The following CIMIP6 variants were observed in gnomAD, a reference collection of about 807,000 sequenced individuals.
CIMIP6 encodes the protein uncharacterized protein C2orf73.
At chr2:54,367,976 A>C in the CIMIP6 span, among the ~76,000 whole-genome samples, 1 of 152,192 alleles carries the variant, frequency 6.6e-6, no homozygotes, top group African/African-American at 2.4e-5. Context: ...CTCATTATCT[A>C]GTCAACCTTA....
the CIMIP6 span, among the ~76,000 whole-genome samples, chr2:54,368,828 C>T: frequency 1.3e-5 from 2 of 152,224 alleles, no homozygotes; most frequent in African/African-American, 4.8e-5. Flanking sequence ...TCAGCACTGT[C>T]CACAATTCTG....
the CIMIP6 span, among the ~76,000 whole-genome samples, chr2:54,335,628 T>C: frequency 6.6e-6 from 1 of 152,264 alleles, no homozygotes; most frequent in Non-Finnish European, 1.5e-5. Context: ...TATTCCATTA[T>C]CTTTTTTACA....
At chr2:54,348,687 A>C in the CIMIP6 span, among the ~76,000 whole-genome samples, 2 of 152,196 alleles carry the variant, frequency 1.3e-5, no homozygotes, top group African/African-American at 4.8e-5. Context: ...ATGTATATAA[A>C]CTAGTCTATA....
chr2:54,379,046 TA>T, the CIMIP6 span, among the ~76,000 whole-genome samples: 3,021 of 152,254 alleles, frequency 0.02, 99 homozygotes, highest in African/African-American at 0.067. Flanking sequence ...GAATGAATAA[TA>T]AACCAACGAA....
chr2:54,333,037 G>C, the CIMIP6 span, among the ~76,000 whole-genome samples: 2 of 152,078 alleles, frequency 1.3e-5, no homozygotes, highest in African/African-American at 4.8e-5. Flanking sequence ...AACAAAGCTG[G>C]AGTAAACTCC....
At chr2:54,337,161 G>C in the CIMIP6 span, among the ~76,000 whole-genome samples, 1 of 152,202 alleles carries the variant, frequency 6.6e-6, no homozygotes, top group African/African-American at 2.4e-5. Context: ...TCATCTCTCT[G>C]TGTGTTAGGT....
At chr2:54,347,705 C>T in the CIMIP6 span, among the ~76,000 whole-genome samples, 15 of 152,136 alleles carry the variant, frequency 9.9e-5, no homozygotes, top group African/African-American at 3.6e-4. Context: ...TCCTCCAAAC[C>T]TCTGCCTAGG....
the CIMIP6 span, among the ~76,000 whole-genome samples, chr2:54,341,264 G>A: frequency 1.3e-5 from 2 of 152,164 alleles, no homozygotes; most frequent in Non-Finnish European, 2.9e-5. Flanking sequence ...GGTCATGAAA[G>A]CTCCACCCTC....
the CIMIP6 span, among the ~76,000 whole-genome samples, chr2:54,332,194 T>A: frequency 4.6e-5 from 7 of 152,186 alleles, no homozygotes; most frequent in Non-Finnish European, 8.8e-5. Context: ...CCCCTCTTTT[T>A]TCATTTGCCA....
chr2:54,376,616 C>T, the CIMIP6 span, among the ~76,000 whole-genome samples: 6 of 152,184 alleles, frequency 3.9e-5, no homozygotes, highest in African/African-American at 1.2e-4. Flanking sequence ...CCTTTGGTGA[C>T]AGTCACCCAG....
the CIMIP6 span, chr2:54,331,057 C>A: frequency 6.4e-7 from 1 of 1,561,584 alleles, no homozygotes; most frequent in Non-Finnish European, 8.8e-7. Context: ...TTTCCTCCTT[C>A]AGGGGGAGGC....
the CIMIP6 span, among the ~76,000 whole-genome samples, chr2:54,333,926 G>C: frequency 0.12 from 18,171 of 151,982 alleles, 1,140 homozygotes; most frequent in Admixed American, 0.15. Context: ...TGGTAGAAGA[G>C]ATGGACCTGG....
the CIMIP6 span, among the ~76,000 whole-genome samples, chr2:54,335,978 C>G: frequency 1.3e-5 from 2 of 152,124 alleles, no homozygotes; most frequent in South Asian, 4.1e-4. Flanking sequence ...TGCACCCACC[C>G]AGATAATTCA....
At chr2:54,368,679 A>G in the CIMIP6 span, among the ~76,000 whole-genome samples, 1 of 152,164 alleles carries the variant, frequency 6.6e-6, no homozygotes, top group African/African-American at 2.4e-5. Flanking sequence ...GGGACTGGAG[A>G]CTGAAGTCAG....
chr2:54,376,316 T>C, the CIMIP6 span, among the ~76,000 whole-genome samples: 2 of 152,096 alleles, frequency 1.3e-5, no homozygotes, highest in African/African-American at 4.8e-5. Context: ...GCTCAGCCTG[T>C]TTTTTAATTT....
chr2:54,336,017 A>C, the CIMIP6 span, among the ~76,000 whole-genome samples: 1 of 152,190 alleles, frequency 6.6e-6, no homozygotes, highest in Admixed American at 6.5e-5. Context: ...ACAATCCTTA[A>C]TCACATCTGC....
chr2:54,357,177 A>G, the CIMIP6 span, among the ~76,000 whole-genome samples: 1 of 152,206 alleles, frequency 6.6e-6, no homozygotes, highest in South Asian at 2.1e-4. Context: ...AACTTTTTTT[A>G]TACTGCTAAC....
the CIMIP6 span, among the ~76,000 whole-genome samples, chr2:54,376,730 A>C: frequency 6.6e-6 from 1 of 152,208 alleles, no homozygotes; most frequent in Non-Finnish European, 1.5e-5. Flanking sequence ...ACATGCCACC[A>C]ACTGCTGTGA....
the CIMIP6 span, among the ~76,000 whole-genome samples, chr2:54,379,456 C>A: frequency 2.6e-5 from 4 of 152,156 alleles, no homozygotes; most frequent in Non-Finnish European, 5.9e-5. Context: ...TACTTGCAGG[C>A]TTTTGAATCA....
Sources: allele counts gnomAD v4.1 joint callset (sites outside exome capture counted in the v4.1 genomes callset), GRCh38; gene constraint gnomAD v4.1.1; transcripts MANE v1.5; gene names NCBI Gene and HGNC (gene_info 2026-07-23, HGNC 2026-07-21).